Variants in SYN3 observed in about 807,000 individuals in gnomAD.
SYN3 encodes the protein synapsin III.
A neutral mutation model predicts 65.8 loss-of-function variants in SYN3; 35 were observed. That is an observed-to-expected ratio of 0.53 (90% CI 0.41 to 0.70). SYN3 has a LOEUF of 0.70. Among genes scored for constraint, SYN3 ranks in the 30% least tolerant of loss-of-function variants. The pLI is 0.00. For missense variants in SYN3, 680 were observed against 749.0 expected (o/e 0.91, Z 1.08); for synonymous variants, 270 against 292.9 (o/e 0.92, Z 0.80).
At chr22:32,753,921 C>A (rs1245604367) in intron 6 of SYN3, among the ~76,000 whole-genome samples, 1 of 152,246 alleles carries the variant, frequency 6.6e-6, no homozygotes, top group Non-Finnish European at 1.5e-5. Context: ...TCCCCATTTT[C>A]CATATGAGAA....
At chr22:32,996,934 G>A (rs2052898014) in intron 2 of SYN3, among the ~76,000 whole-genome samples, 1 of 152,178 alleles carries the variant, frequency 6.6e-6, no homozygotes, top group Admixed American at 6.5e-5. Context: ...ACTGTAACAT[G>A]GAGTGCTGCC....
Position 32,986,697 on chromosome 22 carries a change from G to A in SYN3, c.312-5995C>T, listed in dbSNP as rs577923382. 3.9e-5 allele frequency among the ~76,000 whole-genome samples: 6 copies of A among 152,250 alleles called. No homozygotes were observed. The South Asian group carries it at 1.0e-3, about 26-fold the overall frequency. ...TGTTTGACCTCAGGCAAAATGGATG[G>A]ACCCGCTGTGCCTAAGGGCTCTGTC... On this transcript the variant is annotated intron_variant, in intron 2 of 13. Transcript: ENST00000358763.
At chr22:32,910,351 C>T (rs149270544) in intron 4 of SYN3, among the ~76,000 whole-genome samples, 228 of 152,128 alleles carry the variant, frequency 1.5e-3, no homozygotes, top group Non-Finnish European at 2.5e-3. Flanking sequence ...CTCAGCACCC[C>T]GTACCCCCAA....
chr22:32,987,632 CTG>C (rs2052567016), intron 2 of SYN3, among the ~76,000 whole-genome samples: 2 of 152,306 alleles, frequency 1.3e-5, no homozygotes, highest in South Asian at 4.1e-4. Context: ...AGGCAAAAAA[CTG>C]AGACATAACA....
chr22:32,525,947 T>G (rs1403524125), intron 12 of SYN3, among the ~76,000 whole-genome samples: 1 of 152,146 alleles, frequency 6.6e-6, no homozygotes, highest in Non-Finnish European at 1.5e-5. Context: ...TTTTTATAAA[T>G]TGCCTCAGTC....
At chr22:32,565,732 T>A (rs1009393736) in intron 7 of SYN3, among the ~76,000 whole-genome samples, 1 of 149,436 alleles carries the variant, frequency 6.7e-6, no homozygotes, top group Non-Finnish European at 1.5e-5. Context: ...TTATTTAATT[T>A]TTTTTTACTC....
At chr22:32,844,689 CTCTTCCTTGTTTCTTCT>C (rs2048011384) in intron 6 of SYN3, among the ~76,000 whole-genome samples, 1 of 151,728 alleles carries the variant, frequency 6.6e-6, no homozygotes, top group South Asian at 2.1e-4. Flanking sequence ...CTTAATCAAT[CTCTTCCTTGTTTCTTCT>C]TCTTCCTTTT....
chr22:32,655,997 C>A (rs1302122391), intron 6 of SYN3, among the ~76,000 whole-genome samples: 1 of 152,124 alleles, frequency 6.6e-6, no homozygotes, highest in Admixed American at 6.5e-5. Context: ...AGCCCAGTTA[C>A]CCACTCTACT....
intron 3 of SYN3, among the ~76,000 whole-genome samples, chr22:32,955,739 T>G (rs8139584): frequency 0.23 from 34,931 of 151,698 alleles, 4,156 homozygotes; most frequent in Non-Finnish European, 0.25. Flanking sequence ...TGAGGGTGTT[T>G]CCAAAGGAGA....
intron 6 of SYN3, among the ~76,000 whole-genome samples, chr22:32,654,909 A>G (rs2060121649): frequency 6.6e-6 from 1 of 152,178 alleles, no homozygotes; most frequent in Non-Finnish European, 1.5e-5. Context: ...TATATGTCAC[A>G]TTTCTTCTAC....
At chr22:32,903,035 C>T (rs2049805420) in intron 4 of SYN3, among the ~76,000 whole-genome samples, 1 of 152,144 alleles carries the variant, frequency 6.6e-6, no homozygotes, top group Admixed American at 6.6e-5. Flanking sequence ...AAAAAACACG[C>T]TCTCTACTGT....
intron 2 of SYN3, among the ~76,000 whole-genome samples, chr22:32,998,776 T>TAAAAAAAAAAAAAAAAAAAAA (rs34372968): frequency 1.2e-5 from 1 of 82,008 alleles, no homozygotes. Flanking sequence ...ATAGAAATAG[T>TAAAAAAAAAAAAAAAAAAAAA]AAAAAAAAAA....
chr22:32,701,204 C>G (rs1001109344), intron 6 of SYN3, among the ~76,000 whole-genome samples: 1 of 152,218 alleles, frequency 6.6e-6, no homozygotes, highest in African/African-American at 2.4e-5. Context: ...GAGTCACACT[C>G]TTGCTTAAAA....
intron 6 of SYN3, among the ~76,000 whole-genome samples, chr22:32,703,467 T>A (rs1255485010): frequency 6.6e-6 from 1 of 152,024 alleles, no homozygotes; most frequent in Non-Finnish European, 1.5e-5. Flanking sequence ...TGAAACCCCG[T>A]CTCTACTAAG....
In SYN3 at chr22:32,867,122, C is replaced by T. The variant is rs1370257090; in HGVS notation, c.621+1844G>A. Among the ~76,000 whole-genome samples, 4 of 152,292 alleles carry T rather than the reference C, an allele frequency of 2.6e-5. No homozygotes were observed. The East Asian group carries it at 7.7e-4, about 29-fold the overall frequency. ...AATCTGGCTTCAGAGCTCACACTCT[C>T]AACTACCACCCTACACCACCAGGTG... On this transcript the variant is annotated intron_variant, in intron 5 of 13. Transcript: ENST00000358763.
chr22:32,974,724 T>G lies in SYN3; in HGVS notation c.369+5921A>C, dbSNP rs375536480. ...CATTCTAACTGCTGTGGTTTGATAG[T>G]GCAGCCTGAAGTGACATCAGGTTTT... On this transcript the variant is annotated intron_variant, in intron 3 of 13. Transcript: ENST00000358763. Among the ~76,000 whole-genome samples, 20 of 152,274 alleles carry G rather than the reference T, an allele frequency of 1.3e-4. No individual in the cohort carries two copies. In the East Asian group the frequency reaches 2.7e-3, roughly 21 times the overall value.
chr22:32,866,147 G>A (rs1302933522), intron 5 of SYN3, among the ~76,000 whole-genome samples: 3 of 152,300 alleles, frequency 2.0e-5, no homozygotes, highest in Non-Finnish European at 4.4e-5. Context: ...ATCAGATTCC[G>A]AACAAGATAA....
chr22:32,920,688 C>T (rs1224918317), intron 4 of SYN3, among the ~76,000 whole-genome samples: 2 of 152,136 alleles, frequency 1.3e-5, no homozygotes, highest in African/African-American at 4.8e-5. Flanking sequence ...TCTTTTTGTG[C>T]CCTCCTGACC....
chr22:32,719,116 C>G (rs145856517), intron 6 of SYN3, among the ~76,000 whole-genome samples: 151 of 152,332 alleles, frequency 9.9e-4, no homozygotes, highest in African/African-American at 3.5e-3. Flanking sequence ...CTCATCCCCT[C>G]TTTGAGGTCC....
Sources: allele counts gnomAD v4.1 joint callset (sites outside exome capture counted in the v4.1 genomes callset), GRCh38; gene constraint gnomAD v4.1.1; transcripts MANE v1.5; gene names NCBI Gene and HGNC (gene_info 2026-07-23, HGNC 2026-07-21).